The following MKNK2 variants were observed in gnomAD, a reference collection of about 807,000 sequenced individuals.
MKNK2 encodes MAP kinase-interacting serine/threonine-protein kinase 2.
In MKNK2, 54 loss-of-function variants were observed where a neutral mutation model predicts 55.0. The ratio of observed to expected loss-of-function variants is 0.98; its 90% CI spans 0.79 to 1.23. The LOEUF (loss-of-function observed/expected upper bound fraction) is 1.23, where lower values mean the gene tolerates loss of function less well. Among genes scored for constraint, MKNK2 ranks in the 50% most tolerant of loss-of-function variants. The pLI is 0.00. For missense variants in MKNK2, 685 were observed against 632.1 expected, an observed-to-expected ratio of 1.08 and a Z score of -0.90; for synonymous variants, 323 against 256.0, an observed-to-expected ratio of 1.26 and a Z score of -2.50.
chr19:2,038,208 A>G lies in MKNK2; in HGVS notation c.*1405T>C. On this transcript the variant is annotated 3_prime_UTR_variant, in exon 14 of 14. Coordinates refer to ENST00000250896, the MANE Select transcript of MKNK2 (RefSeq NM_199054.3). ...CCCCCAGGCCCCCCGACATTCAAGT[A>G]TTCTTCAAGAACAGGGAAGCAAAGT... 4.0e-6 allele frequency: 4 copies of G among 999,320 alleles called. No homozygotes were observed. The highest frequency in any genetic ancestry group is 4.8e-6 in the Non-Finnish European group (4 of 839,928). 61.9% of individuals were successfully genotyped at this position (999,320 alleles called of 1,614,324 possible). A position where few individuals can be genotyped will look rare whatever the true frequency, so the allele number is the denominator to read the frequency against.
chr19:2,044,627 T>C (rs147061322), intron 5 of MKNK2, among the ~76,000 whole-genome samples: 1 of 152,364 alleles, frequency 6.6e-6, no homozygotes, highest in African/African-American at 2.4e-5. Context: ...CATTCCACCC[T>C]TGAGTCCCTG....
In MKNK2 at chr19:2,043,202, G is replaced by A; in HGVS notation, c.420-5C>T. ...TCAATCAGCTCTAGGACGTTCCTGG[G>A]GTGGGGGTGGGGGCAGGAGAGGAGC... On this transcript the variant is annotated splice_polypyrimidine_tract_variant and splice_region_variant and intron_variant, in intron 6 of 13. Coordinates refer to ENST00000250896, the MANE Select transcript of MKNK2 (RefSeq NM_199054.3). 6.2e-7 allele frequency: 1 copy of A among 1,606,844 alleles called. No individual in the cohort carries two copies. Among genetic ancestry groups the A allele is most frequent in the Non-Finnish European group, 8.5e-7 (1 of 1,173,728 alleles).
intron 11 of MKNK2, among the ~76,000 whole-genome samples, chr19:2,041,445 C>T (rs924115475): frequency 6.6e-6 from 1 of 152,158 alleles, no homozygotes; most frequent in African/African-American, 2.4e-5. Context: ...AGATGCTGAG[C>T]CTTAAGCCGC....
At chr19:2,040,097 T>C in intron 13 of MKNK2, 37 bp downstream of exon 13, 3 of 1,568,532 alleles carry the variant, frequency 1.9e-6, no homozygotes, top group Non-Finnish European at 2.6e-6. Context: ...CCCCGCCCCC[T>C]GGACTCAGGG....
At position 2,038,755 on chromosome 19, in the gene MKNK2, A is replaced by C. The variant is rs993680604; in HGVS notation, c.*858T>G. ...CAAGGGGGTGTCTTCAGGACCCCCC[A>C]CATTGGCTGACAGTGCCTGTCCAGC... On this transcript the variant is annotated 3_prime_UTR_variant, in exon 14 of 14. Coordinates refer to ENST00000250896, the MANE Select transcript of MKNK2 (RefSeq NM_199054.3). 2 of 985,470 alleles carry C rather than the reference A, an allele frequency of 2.0e-6. No individual in the cohort carries two copies. Among genetic ancestry groups the C allele is most frequent in the East Asian group, 1.1e-4 (1 of 8,810 alleles). The allele number at this position is 985,470 out of a possible 1,614,324, so 61.0% of individuals were successfully genotyped here.
In MKNK2 at chr19:2,039,474, C is replaced by A; in HGVS notation, c.*139G>T. ...AAAAGCAAAAACCTTCTATAAAACA[C>A]CCCCCTCAGCTGAGCTTAGTGCCTG... On this transcript the variant is annotated 3_prime_UTR_variant, in exon 14 of 14. Coordinates refer to ENST00000250896, the MANE Select transcript of MKNK2 (RefSeq NM_199054.3). 7.1e-7 allele frequency: 1 copy of A among 1,402,022 alleles called. No individual in the cohort carries two copies. Among genetic ancestry groups the A allele is most frequent in the Non-Finnish European group, 9.3e-7 (1 of 1,077,858 alleles). 86.8% of individuals were successfully genotyped at this position (1,402,022 alleles called of 1,614,324 possible).
At position 2,042,073 on chromosome 19, in the gene MKNK2, A is replaced by G. The variant is rs769616394; in HGVS notation, c.751-39T>C. The G allele has an allele frequency of 4.1e-6, 6 of 1,447,260 alleles. No homozygotes were observed. The South Asian group carries it at 4.2e-5, about 10-fold the overall frequency. The allele number at this position is 1,447,260 out of a possible 1,614,324, so 89.7% of individuals were successfully genotyped here. A position where few individuals can be genotyped will look rare whatever the true frequency, so the allele number is the denominator to read the frequency against. ...AGGGGCGCGTCAGCCGGGGTTTCCC[A>G]GCATTACGTGGGAACCGAGCCCGGG... On this transcript the variant is annotated intron_variant, in intron 10 of 13. Transcript: ENST00000250896.
In MKNK2 at chr19:2,042,015, A is replaced by C. The variant is rs980832440; in HGVS notation, c.770T>G (p.Met257Arg). Residue 257 changes from methionine (M) to arginine (R), a missense_variant, in exon 11 of 14, where the codon ATG becomes AGG. By Grantham distance (91) the Met-to-Arg change is moderately conservative (BLOSUM62 -1). Coordinates refer to ENST00000250896, the MANE Select transcript of MKNK2 (RefSeq NM_199054.3). ...GAAGGCCTCCACTACCTCCGGGGCC[A>C]TGTACTCCGCCGAGCCGCACTGCGG... ...LLTPCGSAEY[M>R]APEVVEAFSE... is the part of the protein sequence containing the mutation. 6.5e-7 allele frequency: 1 copy of C among 1,529,178 alleles called. No individual in the cohort carries two copies. The highest frequency in any genetic ancestry group is 8.8e-7 in the Non-Finnish European group (1 of 1,138,728). The allele number at this position is 1,529,178 out of a possible 1,614,324, so 94.7% of individuals were successfully genotyped here.
At chr19:2,041,726 AG>A in intron 11 of MKNK2, 113 bp downstream of exon 11, 2 of 836,352 alleles carry the variant, frequency 2.4e-6, no homozygotes, top group East Asian at 2.9e-5. Flanking sequence ...GTCAGGGGGC[AG>A]GTCCCCTGGA....
chr19:2,038,928 A>C lies in MKNK2; in HGVS notation c.*685T>G. 1 of 985,690 alleles carries C rather than the reference A, an allele frequency of 1.0e-6. No homozygotes were observed. The highest frequency in any genetic ancestry group is 1.2e-6 in the Non-Finnish European group (1 of 829,914). The allele number at this position is 985,690 out of a possible 1,614,324, so 61.1% of individuals were successfully genotyped here. On this transcript the variant is annotated 3_prime_UTR_variant, in exon 14 of 14. Coordinates refer to ENST00000250896, the MANE Select transcript of MKNK2 (RefSeq NM_199054.3). ...TCGGAGGCCGAATCTGGCCACCAGG[A>C]GTCCTGGACAGACAGACGGGCCTTG... is the stretch of plus-strand genomic sequence containing the variant.
In MKNK2 at chr19:2,039,535, C is replaced by A. The variant is rs907191442; in HGVS notation, c.*78G>T. The A allele has an allele frequency of 3.3e-6, 5 of 1,499,310 alleles. No homozygotes were observed. The highest frequency in any genetic ancestry group is 4.5e-6 in the Non-Finnish European group (5 of 1,121,790). The allele number at this position is 1,499,310 out of a possible 1,614,324, so 92.9% of individuals were successfully genotyped here. On this transcript the variant is annotated 3_prime_UTR_variant, in exon 14 of 14. Transcript: ENST00000250896. The stretch of plus-strand genomic sequence containing the variant: ...CAGAGGAGGGGCAGCCCGCTGGACA[C>A]CGGCTGGCGATAGCTTAAAAAACCT...
rs1364876106 is a variant in MKNK2 at position 2,038,492 on chromosome 19, G to A, written c.*1121C>T. ...GGAGCATGGAGGGTGGGGGGACTGA[G>A]CAGACCCCCGCATTCCTGGGTGCCC... On this transcript the variant is annotated 3_prime_UTR_variant, in exon 14 of 14. Coordinates refer to ENST00000250896, the MANE Select transcript of MKNK2 (RefSeq NM_199054.3). The A allele has an allele frequency of 1.1e-5, 11 of 985,502 alleles. No homozygotes were observed. In the East Asian group the frequency reaches 6.8e-4, roughly 61 times the overall value. 61.0% of individuals were successfully genotyped at this position (985,502 alleles called of 1,614,324 possible). A position where few individuals can be genotyped will look rare whatever the true frequency, so the allele number is the denominator to read the frequency against.
chr19:2,047,332 A>G (rs537785771), intron 2 of MKNK2, among the ~76,000 whole-genome samples: 14 of 152,118 alleles, frequency 9.2e-5, no homozygotes, highest in Admixed American at 4.6e-4. Context: ...CCAGAGAAAG[A>G]TGGGCCCCAA....
rs2017038833 is a variant in MKNK2 at position 2,048,169 on chromosome 19, C to A, written c.52-1478G>T. On this transcript the variant is annotated intron_variant, in intron 2 of 13. Coordinates refer to ENST00000250896, the MANE Select transcript of MKNK2 (RefSeq NM_199054.3). Reference sequence around the variant, plus strand: ...GGGCCCTGATACCCGGCTAAGGAAGCCGCCTTGGGCCCTGGGGGCCAGGAT... The same window carrying A: ...GGGCCCTGATACCCGGCTAAGGAAGACGCCTTGGGCCCTGGGGGCCAGGAT... 2.0e-5 allele frequency among the ~76,000 whole-genome samples: 3 copies of A among 152,178 alleles called. No homozygotes were observed. The South Asian group carries it at 6.2e-4, about 32-fold the overall frequency.
chr19:2,040,814 C>G (rs2016861011), intron 12 of MKNK2: 1 of 572,756 alleles, frequency 1.7e-6, no homozygotes, highest in Non-Finnish European at 3.1e-6. Context: ...GGAAGGTTCT[C>G]TGAGTAGCTG....
chr19:2,045,584 G>A (rs922763583), intron 5 of MKNK2, among the ~76,000 whole-genome samples: 5 of 152,108 alleles, frequency 3.3e-5, no homozygotes, highest in African/African-American at 1.2e-4. Flanking sequence ...ACAGGCTCCT[G>A]GCGAGCCCTG....
intron 12 of MKNK2, chr19:2,040,737 T>C (rs2016858923): frequency 2.3e-6 from 1 of 443,094 alleles, no homozygotes; most frequent in East Asian, 4.2e-5. Context: ...CTGGGGTCTA[T>C]GTGAGCTGGG....
chr19:2,049,188 T>C (rs2017061036), intron 2 of MKNK2, among the ~76,000 whole-genome samples: 1 of 152,124 alleles, frequency 6.6e-6, no homozygotes, highest in Non-Finnish European at 1.5e-5. Context: ...TCCTCGCCCG[T>C]GTACAGGGGA....
chr19:2,045,250 G>A (rs977883698), intron 5 of MKNK2, among the ~76,000 whole-genome samples: 1 of 152,188 alleles, frequency 6.6e-6, no homozygotes, highest in African/African-American at 2.4e-5. Flanking sequence ...CACACAGCAT[G>A]AGTCAGGCTA....
Sources: allele counts gnomAD v4.1 joint callset (sites outside exome capture counted in the v4.1 genomes callset), GRCh38; gene constraint gnomAD v4.1.1; transcripts MANE v1.5; gene names NCBI Gene and HGNC (gene_info 2026-07-23, HGNC 2026-07-21).